The following RFX7 variants were observed in gnomAD, a reference collection of about 807,000 sequenced individuals.
RFX7 encodes the protein DNA-binding protein RFX7.
RFX7 carries 26 observed loss-of-function variants against 111.8 expected under a neutral mutation model. The ratio of observed to expected loss-of-function variants is 0.23; its 90% CI spans 0.17 to 0.32. The LOEUF (loss-of-function observed/expected upper bound fraction) is 0.32, where lower values mean the gene tolerates loss of function less well. RFX7 is among the 10% of genes least tolerant of loss of function. RFX7 has a pLI of 1.00. For synonymous variants in RFX7, 624 were observed against 624.4 expected (o/e 1.00, Z 0.01); for missense variants, 1,573 against 1,772.9 (o/e 0.89, Z 2.02).
chr15:56,169,430 T>C (rs1179771367), intron 3 of RFX7, among the ~76,000 whole-genome samples: 2 of 152,252 alleles, frequency 1.3e-5, no homozygotes, highest in Non-Finnish European at 2.9e-5. Flanking sequence ...TTAAGTCACT[T>C]TGATCCACAT....
chr15:56,234,074 C>T (rs2043597153), intron 2 of RFX7, among the ~76,000 whole-genome samples: 1 of 152,150 alleles, frequency 6.6e-6, no homozygotes, highest in Admixed American at 6.5e-5. Flanking sequence ...TAGCCCATCC[C>T]TTGATTTTTC....
Position 56,119,994 on chromosome 15 carries a change from CTCTTT to C in RFX7, c.402-16329_402-16325del, listed in dbSNP as rs2140964118. ...GGATATCTCTGGCTACTCTGGCTAT[CTCTTT>C]TAATATAAATTTGGGATAGTTTTTT... On this transcript the variant is annotated intron_variant, in intron 5 of 9. Coordinates refer to ENST00000559447, the MANE Select transcript of RFX7 (RefSeq NM_022841.7). Among the ~76,000 whole-genome samples the C allele has an allele frequency of 1.3e-5, 2 of 152,122 alleles. 1 individual carries two copies. The highest frequency in any genetic ancestry group is 4.1e-4 in the South Asian group (2 of 4,822).
intron 7 of RFX7, among the ~76,000 whole-genome samples, chr15:56,101,828 C>A (rs1450965129): frequency 6.6e-6 from 1 of 152,156 alleles, no homozygotes; most frequent in African/African-American, 2.4e-5. Context: ...TTGAATCTTT[C>A]TAATGTCAAA....
At chr15:56,211,355 AAAAC>A (rs1342612926) in intron 2 of RFX7, among the ~76,000 whole-genome samples, 1 of 152,172 alleles carries the variant, frequency 6.6e-6, no homozygotes, top group African/African-American at 2.4e-5. Context: ...ATGCAAAAAC[AAAAC>A]AAACAAAAAC....
intron 5 of RFX7, among the ~76,000 whole-genome samples, chr15:56,128,443 T>C (rs1460016505): frequency 6.6e-6 from 1 of 152,176 alleles, no homozygotes; most frequent in African/African-American, 2.4e-5. Flanking sequence ...AAAATAATAA[T>C]GTAATACACT....
chr15:56,223,069 A>T (rs1364442742), intron 2 of RFX7, among the ~76,000 whole-genome samples: 3 of 152,194 alleles, frequency 2.0e-5, no homozygotes, highest in Admixed American at 2.0e-4. Context: ...TGAAGTCTTA[A>T]TTAATGCCCA....
intron 2 of RFX7, among the ~76,000 whole-genome samples, chr15:56,202,032 A>AAAAAC (rs758881847): frequency 3.0e-4 from 46 of 152,240 alleles, no homozygotes; most frequent in Admixed American, 5.2e-4. Context: ...CTCTGTCTCA[A>AAAAAC]AAAACAAAAC....
At chr15:56,109,220 A>C (rs1050312389) in intron 5 of RFX7, among the ~76,000 whole-genome samples, 2 of 152,084 alleles carry the variant, frequency 1.3e-5, no homozygotes, top group Non-Finnish European at 2.9e-5. Flanking sequence ...TGGTTTTCGT[A>C]TTTTTTGGGT....
chr15:56,156,916 C>A (rs1158146544), intron 3 of RFX7, among the ~76,000 whole-genome samples: 4 of 152,160 alleles, frequency 2.6e-5, no homozygotes, highest in Non-Finnish European at 4.4e-5. Flanking sequence ...GAGTGCATGA[C>A]CCCACTTCCA....
At chr15:56,204,385 A>G (rs2043229418) in intron 2 of RFX7, among the ~76,000 whole-genome samples, 1 of 152,100 alleles carries the variant, frequency 6.6e-6, no homozygotes, top group South Asian at 2.1e-4. Context: ...GAGCTATCCC[A>G]TACATCATTT....
chr15:56,174,860 T>C (rs2584687), intron 3 of RFX7, among the ~76,000 whole-genome samples: 151,876 of 152,264 alleles, frequency 1, 75,745 homozygotes, highest in South Asian at 1. Flanking sequence ...AACAAGCTAA[T>C]GTTAACTTCA....
At chr15:56,154,355 G>T (rs112689936) in intron 3 of RFX7, among the ~76,000 whole-genome samples, 1 of 152,118 alleles carries the variant, frequency 6.6e-6, no homozygotes, top group Non-Finnish European at 1.5e-5. Flanking sequence ...CAAAGCTGGA[G>T]GCATCATGTT....
intron 2 of RFX7, among the ~76,000 whole-genome samples, chr15:56,235,145 C>A (rs1237847835): frequency 6.6e-6 from 1 of 150,864 alleles, no homozygotes; most frequent in African/African-American, 2.4e-5. Flanking sequence ...TTGAAGCAGC[C>A]AGTTCATACA....
intron 2 of RFX7, among the ~76,000 whole-genome samples, chr15:56,206,932 C>T (rs34431355): frequency 0.059 from 8,887 of 151,800 alleles, 670 homozygotes; most frequent in East Asian, 0.37. Flanking sequence ...TAGAATAAGA[C>T]CTAGCATTTG....
chr15:56,226,830 G>A (rs2043490598), intron 2 of RFX7, among the ~76,000 whole-genome samples: 1 of 152,088 alleles, frequency 6.6e-6, no homozygotes, highest in Non-Finnish European at 1.5e-5. Flanking sequence ...CTTTACTGAG[G>A]AAGGGCATCA....
chr15:56,133,653 T>A (rs1162764829), intron 5 of RFX7, among the ~76,000 whole-genome samples: 1 of 152,140 alleles, frequency 6.6e-6, no homozygotes, highest in Admixed American at 6.5e-5. Context: ...AAACTCTTGT[T>A]CTTAAAATAT....
chr15:56,229,031 C>G (rs536777239), intron 2 of RFX7, among the ~76,000 whole-genome samples: 90 of 152,308 alleles, frequency 5.9e-4, no homozygotes, highest in African/African-American at 2.2e-3. Flanking sequence ...ACTGTGATGA[C>G]TATCAAGTGA....
chr15:56,095,128 G>A lies in RFX7; in HGVS notation c.2600C>T (p.Ser867Phe), dbSNP rs1197946952. ...LQSELKEFEP[S>F]VSQTNESYFP... ...GTAGCTTTCATTTGTCTGGGAAACA[G>A]AAGGCTCAAACTCCTTCAGTTCAGA... The change falls in exon 10 of 10, where the codon TCT becomes TTT. Residue 867 changes from serine (S) to phenylalanine (F), a missense_variant. Ser to Phe is a radical substitution (Grantham distance 155). Around this residue, in one of 7 missense-constraint regions of RFX7, gnomAD observed 625 missense variants for 632.2 expected, o/e 0.99. Coordinates refer to ENST00000559447, the MANE Select transcript of RFX7 (RefSeq NM_022841.7). 4 of 1,613,912 alleles carry A rather than the reference G, an allele frequency of 2.5e-6. No homozygotes were observed. The highest frequency in any genetic ancestry group is 2.2e-5 in the South Asian group (2 of 91,084).
At chr15:56,142,339 G>T (rs1391251491) in intron 5 of RFX7, among the ~76,000 whole-genome samples, 2 of 152,058 alleles carry the variant, frequency 1.3e-5, no homozygotes, top group African/African-American at 4.8e-5. Flanking sequence ...TTGGTATGGA[G>T]AAGAATTAGA....
Sources: gnomAD v4.1 joint callset for allele counts (sites outside exome capture counted in the v4.1 genomes callset) on GRCh38, gnomAD v4.1.1 for gene constraint, gnomAD v4.1.1 regional missense constraint, MANE v1.5 for transcripts, NCBI Gene and HGNC (gene_info 2026-07-23, HGNC 2026-07-21) for gene names.